Variants in MEGF11 observed in about 807,000 individuals in gnomAD.
MEGF11 encodes the protein multiple EGF like domains 11.
In MEGF11, 126 loss-of-function variants were observed where a neutral mutation model predicts 146.6. The observed-to-expected ratio is 0.86, with a 90% CI of 0.74 to 1.00. MEGF11 has a LOEUF of 1.00. Ranked by LOEUF, MEGF11 falls within the 50% of genes least tolerant of loss-of-function variation. MEGF11 has a pLI of 0.00. For missense variants in MEGF11, 1,509 were observed against 1,521.2 expected, an observed-to-expected ratio of 0.99 and a Z score of 0.13; for synonymous variants, 532 against 583.4, an observed-to-expected ratio of 0.91 and a Z score of 1.27.
chr15:66,227,777 GT>G (rs2091884397), intron 1 of MEGF11, among the ~76,000 whole-genome samples: 2 of 152,130 alleles, frequency 1.3e-5, no homozygotes. Flanking sequence ...ATATTTCTTG[GT>G]CCCCATTCCA....
chr15:66,033,744 A>G (rs1597012207), intron 5 of MEGF11, among the ~76,000 whole-genome samples: 1 of 152,120 alleles, frequency 6.6e-6, no homozygotes, highest in African/African-American at 2.4e-5. Context: ...CAGCTTTAAG[A>G]CCAAATATAA....
intron 7 of MEGF11, 85 bp downstream of exon 7, chr15:65,980,693 C>T (rs1006886709): frequency 4.2e-5 from 61 of 1,445,472 alleles, no homozygotes; most frequent in Admixed American, 4.0e-4. Context: ...GTACCATGCC[C>T]GGCTAGTTTA....
At chr15:66,076,227 T>C (rs974493773) in intron 5 of MEGF11, among the ~76,000 whole-genome samples, 2 of 151,522 alleles carry the variant, frequency 1.3e-5, no homozygotes, top group African/African-American at 4.9e-5. Context: ...GATGGATGGA[T>C]GGATGGATGG....
At chr15:66,059,730 A>C (rs8041368) in intron 5 of MEGF11, among the ~76,000 whole-genome samples, 148,582 of 152,178 alleles carry the variant, frequency 0.98, 72,645 homozygotes, top group East Asian at 1. Flanking sequence ...CCAGAAGAGG[A>C]CCAGAACGTC....
At chr15:66,014,022 C>A (rs1391366708) in intron 5 of MEGF11, among the ~76,000 whole-genome samples, 1 of 152,110 alleles carries the variant, frequency 6.6e-6, no homozygotes, top group Non-Finnish European at 1.5e-5. Context: ...GGTTCTGGGA[C>A]TGTGATCTGA....
chr15:66,039,848 C>CAGCCTTCTCT (rs1190455475), intron 5 of MEGF11, among the ~76,000 whole-genome samples: 38 of 3,064 alleles, frequency 0.012, 1 homozygote, highest in Admixed American at 0.028. Context: ...GGGTGACGGT[C>CAGCCTTCTCT]CTGAGCCGGG....
intron 1 of MEGF11, among the ~76,000 whole-genome samples, chr15:66,247,226 T>C (rs916186092): frequency 3.3e-5 from 5 of 152,224 alleles, no homozygotes; most frequent in Non-Finnish European, 5.9e-5. Flanking sequence ...CATGATTATT[T>C]ATTCTCTAGT....
chr15:66,185,454 A>G (rs1004722335), intron 1 of MEGF11, among the ~76,000 whole-genome samples: 2 of 151,654 alleles, frequency 1.3e-5, no homozygotes, highest in Non-Finnish European at 2.9e-5. Flanking sequence ...GGATATAATC[A>G]TTTCCTTTTT....
At chr15:66,118,767 C>A (rs2140908181) in intron 4 of MEGF11, among the ~76,000 whole-genome samples, 1 of 152,330 alleles carries the variant, frequency 6.6e-6, no homozygotes, top group South Asian at 2.1e-4. Context: ...AGGCACCCAG[C>A]ACTTCTTCTC....
intron 1 of MEGF11, among the ~76,000 whole-genome samples, chr15:66,175,422 A>G (rs1220640782): frequency 6.6e-6 from 1 of 151,884 alleles, no homozygotes; most frequent in Non-Finnish European, 1.5e-5. Flanking sequence ...TTCAAAATGG[A>G]CTGCAAAGCT....
intron 16 of MEGF11, among the ~76,000 whole-genome samples, chr15:65,917,696 A>G (rs1387569329): frequency 2.6e-5 from 4 of 152,218 alleles, no homozygotes. Context: ...CTCCTTGTGC[A>G]GGTGCTAATG....
At chr15:65,907,036 A>C (rs2078650242) in intron 23 of MEGF11, among the ~76,000 whole-genome samples, 1 of 152,186 alleles carries the variant, frequency 6.6e-6, no homozygotes, top group Non-Finnish European at 1.5e-5. Context: ...TCAAAGTCAG[A>C]GCAATTTTTT....
At chr15:66,233,832 A>ATG in intron 1 of MEGF11, among the ~76,000 whole-genome samples, 1 of 152,206 alleles carries the variant, frequency 6.6e-6, no homozygotes, top group African/African-American at 2.4e-5. Context: ...GATATGAGGA[A>ATG]CGCCTGCCAA....
chr15:66,041,651 T>C (rs536626049), intron 5 of MEGF11, among the ~76,000 whole-genome samples: 1 of 152,340 alleles, frequency 6.6e-6, no homozygotes, highest in Admixed American at 6.5e-5. Flanking sequence ...TGCTCTCCAA[T>C]AGCAGAGTGG....
chr15:66,030,413 CT>C (rs1253101321), intron 5 of MEGF11, among the ~76,000 whole-genome samples: 1 of 152,100 alleles, frequency 6.6e-6, no homozygotes, highest in African/African-American at 2.4e-5. Context: ...AGTCCTCAAC[CT>C]TTTTATTCTT....
At chr15:66,137,479 G>A (rs1176056351) in intron 1 of MEGF11, among the ~76,000 whole-genome samples, 1 of 152,118 alleles carries the variant, frequency 6.6e-6, no homozygotes, top group Non-Finnish European at 1.5e-5. Context: ...AGTGAGGGAG[G>A]AAGGACAGGA....
chr15:66,225,676 A>G (rs1323000941), intron 1 of MEGF11, among the ~76,000 whole-genome samples: 1 of 152,138 alleles, frequency 6.6e-6, no homozygotes, highest in African/African-American at 2.4e-5. Context: ...GCTTACATAC[A>G]TATACAATCA....
rs560889034 is a variant in MEGF11 at position 66,138,892 on chromosome 15, G to A, written c.-8-10481C>T. Among the ~76,000 whole-genome samples the A allele has an allele frequency of 2.6e-5, 4 of 152,334 alleles. No individual in the cohort carries two copies. In the South Asian group the frequency reaches 8.3e-4, roughly 32 times the overall value. Reference sequence around the variant, plus strand: ...TCTCTGATGGGGCGTATGGGATGCAGTACAGATACTACTGGGGGTGCACAG... The same window carrying A: ...TCTCTGATGGGGCGTATGGGATGCAATACAGATACTACTGGGGGTGCACAG... On this transcript the variant is annotated intron_variant, in intron 1 of 25. Transcript: ENST00000395614.
intron 4 of MEGF11, among the ~76,000 whole-genome samples, chr15:66,113,402 A>T (rs551315706): frequency 1.8e-4 from 27 of 152,284 alleles, no homozygotes; most frequent in African/African-American, 6.5e-4. Flanking sequence ...AGAAGATTTC[A>T]CCTGGAAGCT....
Sources: allele counts gnomAD v4.1 joint callset (sites outside exome capture counted in the v4.1 genomes callset), GRCh38; gene constraint gnomAD v4.1.1; transcripts MANE v1.5; gene names NCBI Gene and HGNC (gene_info 2026-07-23, HGNC 2026-07-21).